ZNF469: variants seen among roughly 807,000 people sequenced by gnomAD.
ZNF469 encodes zinc finger protein 469.
In ZNF469, 1 loss-of-function variant was observed where a neutral mutation model predicts 1.0. That is an observed-to-expected ratio of 1.00 (90% CI 0.35 to 4.73). The LOEUF (loss-of-function observed/expected upper bound fraction) is 4.73, where lower values mean the gene tolerates loss of function less well. ZNF469 is among the 30% of genes most tolerant of loss of function. The pLI is 0.16. For missense variants in ZNF469, 6,100 were observed against 5,356.3 expected (o/e 1.14, Z -4.33); for synonymous variants, 2,703 against 2,363.4 (o/e 1.14, Z -4.17).
the ZNF469 span, among the ~76,000 whole-genome samples, chr16:88,216,350 C>G: frequency 6.6e-6 from 1 of 151,780 alleles, no homozygotes; most frequent in South Asian, 2.1e-4. Context: ...AAAAATTAGC[C>G]GGGCGCGGTG....
the ZNF469 span, among the ~76,000 whole-genome samples, chr16:88,226,911 CCT>C: frequency 1.3e-5 from 2 of 152,190 alleles, no homozygotes; most frequent in African/African-American, 4.8e-5. Flanking sequence ...ATTCCAGCCC[CCT>C]GTGTTCCACC....
At chr16:88,172,783 C>T in the ZNF469 span, among the ~76,000 whole-genome samples, 410 of 152,030 alleles carry the variant, frequency 2.7e-3, 3 homozygotes, top group African/African-American at 9.4e-3. Context: ...AGGTCACAAG[C>T]GAAACTTTTA....
the ZNF469 span, among the ~76,000 whole-genome samples, chr16:88,153,718 A>G: frequency 1.2e-4 from 19 of 152,356 alleles, 1 homozygote; most frequent in African/African-American, 4.3e-4. Context: ...TGCAAGTCCA[A>G]GGTCAAGGGC....
At chr16:88,353,618 G>A in the ZNF469 span, among the ~76,000 whole-genome samples, 19,692 of 152,230 alleles carry the variant, frequency 0.13, 1,434 homozygotes, top group East Asian at 0.28. Flanking sequence ...TTGCTTCAGA[G>A]CATGCGCGCG....
At chr16:88,334,200 A>G in the ZNF469 span, among the ~76,000 whole-genome samples, 233 of 152,250 alleles carry the variant, frequency 1.5e-3, no homozygotes, top group Non-Finnish European at 2.1e-3. Flanking sequence ...CTTTCCTAAG[A>G]GACCAAAGAG....
chr16:88,172,785 A>T, the ZNF469 span, among the ~76,000 whole-genome samples: 2 of 152,240 alleles, frequency 1.3e-5, no homozygotes, highest in East Asian at 3.9e-4. Flanking sequence ...GTCACAAGCG[A>T]AACTTTTAGA....
chr16:88,161,142 C>T, the ZNF469 span, among the ~76,000 whole-genome samples: 143 of 143,174 alleles, frequency 1.0e-3, no homozygotes, highest in Non-Finnish European at 1.9e-3. Flanking sequence ...GCCTGGGTGA[C>T]GGAGCGAGAC....
At chr16:88,420,975 C>T (rs1022718561) in intron 1 of ZNF469, among the ~76,000 whole-genome samples, 1 of 152,032 alleles carries the variant, frequency 6.6e-6, no homozygotes, top group Non-Finnish European at 1.5e-5. Flanking sequence ...CAACCCAATC[C>T]GAGGGATCTT....
the ZNF469 span, among the ~76,000 whole-genome samples, chr16:88,102,195 G>T: frequency 1.3e-5 from 2 of 152,162 alleles, no homozygotes; most frequent in Non-Finnish European, 2.9e-5. Flanking sequence ...GACAGAGGGC[G>T]TCGGTGGCTT....
chr16:88,409,445 A>G (rs1905087245), intron 1 of ZNF469, among the ~76,000 whole-genome samples: 2 of 152,070 alleles, frequency 1.3e-5, no homozygotes, highest in East Asian at 3.9e-4. Context: ...GCCAGGACAC[A>G]GGCCAGTCAC....
In ZNF469 at chr16:88,416,336, A is replaced by C. The variant is rs144872988; in HGVS notation, c.-191-8471A>C. On this transcript the variant is annotated intron_variant, in intron 1 of 2. Coordinates refer to ENST00000565624, the MANE Select transcript of ZNF469 (RefSeq NM_001367624.2). Reference sequence around the variant, plus strand: ...CAGGGGAATCCAGGTGGCTGCTCGAAGTTCACTTACGCTATTGCTGCCCGG... The same window carrying C: ...CAGGGGAATCCAGGTGGCTGCTCGACGTTCACTTACGCTATTGCTGCCCGG... Among the ~76,000 whole-genome samples the C allele has an allele frequency of 3.8e-3, 585 of 152,292 alleles. 4 individuals are homozygous for C. The highest frequency in any genetic ancestry group is 0.014 in the African/African-American group (564 of 41,568).
the ZNF469 span, among the ~76,000 whole-genome samples, chr16:88,176,580 A>G: frequency 1.3e-5 from 2 of 152,254 alleles, no homozygotes; most frequent in Admixed American, 1.3e-4. Context: ...CTCCCATGAA[A>G]TTAAAGAGCT....
chr16:88,124,375 GCCAT>G, the ZNF469 span, among the ~76,000 whole-genome samples: 1 of 152,042 alleles, frequency 6.6e-6, no homozygotes, highest in Non-Finnish European at 1.5e-5. Flanking sequence ...TCAGGCACAT[GCCAT>G]CACACCCTGC....
At chr16:88,235,021 G>A in the ZNF469 span, 6 of 152,318 alleles carry the variant, frequency 3.9e-5, no homozygotes, top group Admixed American at 3.9e-4. Flanking sequence ...CTAGACTTGG[G>A]AAGGAGAGGG....
the ZNF469 span, among the ~76,000 whole-genome samples, chr16:88,201,904 TG>T: frequency 8.5e-5 from 13 of 152,310 alleles, no homozygotes; most frequent in Admixed American, 4.6e-4. The surrounding 1 kb of genome is among the most constrained non-coding windows in gnomAD (Gnocchi z 5.0). Context: ...CCACAGGTGG[TG>T]GGGGCCGTGG....
chr16:88,153,186 C>T, the ZNF469 span, among the ~76,000 whole-genome samples: 1 of 152,220 alleles, frequency 6.6e-6, no homozygotes. Context: ...GTTCTCTCTG[C>T]ACTCCGGGAA....
upstream of ZNF469, among the ~76,000 whole-genome samples, chr16:88,379,617 G>T (rs1231508092): frequency 6.6e-6 from 1 of 152,134 alleles, no homozygotes; most frequent in Non-Finnish European, 1.5e-5. Context: ...CCTGGGGCAG[G>T]ATGATTCCTG....
the ZNF469 span, among the ~76,000 whole-genome samples, chr16:88,188,456 C>A: frequency 4.0e-4 from 61 of 152,342 alleles, no homozygotes; most frequent in African/African-American, 1.4e-3. Context: ...GCATGGGCTG[C>A]TTAATGACAT....
rs1264372531 is a variant in ZNF469, at chr16:88,434,755, G to A, written c.7285G>A (p.Ala2429Thr). 1 of 1,550,214 alleles carries A rather than the reference G, an allele frequency of 6.5e-7. No homozygotes were observed. The highest frequency in any genetic ancestry group is 1.4e-5 in the African/African-American group (1 of 73,036). The change falls in exon 3 of 3, where the codon GCC becomes ACC. Residue 2429 changes from alanine (A) to threonine (T), a missense_variant. Physicochemically the swap from Ala to Thr is moderately conservative, Grantham distance 58. Transcript: ENST00000565624. ...TGACTCCCCCCAAAGCCACAGAAAT[G>A]CCTCCCACCAGACTCCCCAGGGGGA... ...QSDSPQSHRN[A>T]SHQTPQGDPL...
Sources: allele counts gnomAD v4.1 joint callset (sites outside exome capture counted in the v4.1 genomes callset), GRCh38; gene constraint gnomAD v4.1.1; non-coding constraint Gnocchi (gnomAD v3.1); transcripts MANE v1.5; gene names NCBI Gene and HGNC (gene_info 2026-07-23, HGNC 2026-07-21).